AK9: variants seen among roughly 807,000 people sequenced by gnomAD.
The protein encoded by AK9 is adenylate kinase domain containing 1.
Under a neutral mutation model 239.6 loss-of-function variants are expected in AK9, and 191 were observed. The observed-to-expected ratio is 0.80, with a 90% CI of 0.71 to 0.90. The LOEUF is 0.90. Ranked by LOEUF, AK9 falls within the 40% of genes least tolerant of loss-of-function variation. The pLI, the probability that AK9 is intolerant of heterozygous loss-of-function variation, is 0.00. For missense variants in AK9, 1,995 were observed against 2,214.7 expected (o/e 0.90, Z 1.99); for synonymous variants, 689 against 721.0 (o/e 0.96, Z 0.71).
At chr6:109,597,948 T>C (rs1010420711) in intron 17 of AK9, among the ~76,000 whole-genome samples, 6 of 152,140 alleles carry the variant, frequency 3.9e-5, no homozygotes, top group African/African-American at 1.4e-4. Flanking sequence ...TCTGCTCACA[T>C]CCCTTGCTTG....
intron 5 of AK9, among the ~76,000 whole-genome samples, 173 bp from the exon 6 acceptor site, chr6:109,662,836 A>G (rs1338415126): frequency 6.6e-6 from 1 of 151,910 alleles, no homozygotes; most frequent in Non-Finnish European, 1.5e-5. Flanking sequence ...ATGAAGTGTA[A>G]CTATGAATAA....
chr6:109,530,414 T>C (rs998075699), intron 28 of AK9, among the ~76,000 whole-genome samples: 1 of 152,254 alleles, frequency 6.6e-6, no homozygotes, highest in Non-Finnish European at 1.5e-5. Context: ...CTATGGCTCT[T>C]AACTGGTGAG....
chr6:109,688,972 A>G lies in AK9; in HGVS notation c.-12+2175T>C, dbSNP rs943362238. The stretch of plus-strand genomic sequence containing the variant: ...CTCTTGATGCTTTCATGTCCAGTGA[A>G]TGGGTAATTGCAGCAACCAAAACCT... On this transcript the variant is annotated intron_variant, in intron 1 of 40. Coordinates refer to ENST00000424296, the MANE Select transcript of AK9 (RefSeq NM_001145128.3). 2.0e-5 allele frequency among the ~76,000 whole-genome samples: 3 copies of G among 152,204 alleles called. No homozygotes were observed. The South Asian group carries it at 6.2e-4, about 31-fold the overall frequency.
intron 10 of AK9, among the ~76,000 whole-genome samples, chr6:109,640,333 C>G (rs1003043993): frequency 2.0e-5 from 3 of 152,196 alleles, no homozygotes; most frequent in Admixed American, 2.0e-4. Context: ...CAGGTACAGT[C>G]TGTCACGGCT....
intron 19 of AK9, among the ~76,000 whole-genome samples, chr6:109,582,598 A>C (rs1788990046): frequency 6.6e-6 from 1 of 152,210 alleles, no homozygotes; most frequent in Non-Finnish European, 1.5e-5. Context: ...GGATGAGAAA[A>C]GAAATTGGTT....
intron 7 of AK9, among the ~76,000 whole-genome samples, chr6:109,658,312 T>C (rs1027835008): frequency 1.3e-5 from 2 of 152,200 alleles, no homozygotes; most frequent in African/African-American, 4.8e-5. Flanking sequence ...ATTCAGCCAT[T>C]ACACATCTTC....
intron 10 of AK9, among the ~76,000 whole-genome samples, chr6:109,635,612 A>G (rs1313923197): frequency 6.6e-6 from 1 of 152,160 alleles, no homozygotes; most frequent in Non-Finnish European, 1.5e-5. Context: ...AAAGTTGGCC[A>G]CTATAACCAC....
intron 10 of AK9, among the ~76,000 whole-genome samples, chr6:109,637,440 T>A (rs1013572051): frequency 4.6e-5 from 7 of 152,132 alleles, no homozygotes; most frequent in Admixed American, 1.3e-4. Flanking sequence ...TGGCCTCAAG[T>A]GATCTGCCTG....
Position 109,614,437 on chromosome 6 carries a change from C to T in AK9, c.1443G>A (p.Met481Ile). 1 of 1,551,290 alleles carries T rather than the reference C, an allele frequency of 6.4e-7. No homozygotes were observed. Among genetic ancestry groups the T allele is most frequent in the Non-Finnish European group, 8.7e-7 (1 of 1,146,734 alleles). ...LREFQRQYEKMEFGVFPMEAT... is the reference protein window; with the variant it reads ...LREFQRQYEKIEFGVFPMEAT... ...CCTCCATTGGGAATACTCCAAACTC[C>T]ATTTTTTCATATTGCCTTTGAAATT... is the stretch of plus-strand genomic sequence containing the variant. Residue 481 changes from methionine to isoleucine, a missense_variant, in exon 14 of 41, where the codon ATG (methionine) becomes ATA (isoleucine). By Grantham distance (10) the Met-to-Ile change is conservative. Coordinates refer to ENST00000424296, the MANE Select transcript of AK9 (RefSeq NM_001145128.3).
intron 32 of AK9, among the ~76,000 whole-genome samples, chr6:109,511,882 T>C (rs1214679815): frequency 6.6e-6 from 1 of 152,240 alleles, no homozygotes; most frequent in Non-Finnish European, 1.5e-5. Context: ...GTAATCTACA[T>C]GTTCACCTTG....
chr6:109,569,041 T>C (rs1480892953), intron 21 of AK9, among the ~76,000 whole-genome samples: 1 of 152,162 alleles, frequency 6.6e-6, no homozygotes, highest in African/African-American at 2.4e-5. Context: ...GCTACAAGGC[T>C]ACAGTAACCA....
intron 19 of AK9, among the ~76,000 whole-genome samples, chr6:109,583,987 A>G (rs915895041): frequency 6.6e-6 from 1 of 152,168 alleles, no homozygotes; most frequent in Non-Finnish European, 1.5e-5. Context: ...GATTGGAGCT[A>G]ATTAGTAGAT....
intron 3 of AK9, among the ~76,000 whole-genome samples, chr6:109,673,033 A>G (rs1562593828): frequency 6.6e-6 from 1 of 152,216 alleles, no homozygotes. Flanking sequence ...GAGGAAATGT[A>G]TCATTCCTTG....
At chr6:109,631,194 TC>T (rs1796056635) in intron 12 of AK9, among the ~76,000 whole-genome samples, 1 of 152,048 alleles carries the variant, frequency 6.6e-6, no homozygotes, top group Admixed American at 6.5e-5. Context: ...GATAAATCAT[TC>T]CTCATTGAAA....
intron 26 of AK9, among the ~76,000 whole-genome samples, chr6:109,544,782 A>T (rs539471809): frequency 1.1e-4 from 17 of 150,826 alleles, no homozygotes; most frequent in Non-Finnish European, 2.5e-4. Flanking sequence ...CTGGTAAGAC[A>T]TCATTAGAAA....
intron 38 of AK9, 152 bp downstream of exon 38, chr6:109,497,313 G>A (rs901182290): frequency 7.5e-5 from 48 of 643,180 alleles, no homozygotes; most frequent in Non-Finnish European, 1.2e-4. Context: ...GGATGGCAGG[G>A]ACCAGTGCTT....
chr6:109,647,021 T>C (rs992923157), intron 8 of AK9, among the ~76,000 whole-genome samples: 1 of 152,140 alleles, frequency 6.6e-6, no homozygotes, highest in Non-Finnish European at 1.5e-5. Context: ...ATAAAATCCT[T>C]TACAGACAAG....
At chr6:109,537,764 A>T (rs1024592049) in intron 27 of AK9, among the ~76,000 whole-genome samples, 2 of 151,988 alleles carry the variant, frequency 1.3e-5, no homozygotes, top group African/African-American at 4.8e-5. Flanking sequence ...TTCCCTCTAC[A>T]CACTGCTTTA....
At chr6:109,515,749 C>T (rs940150727) in intron 31 of AK9, 108 bp downstream of exon 31, 2 of 1,012,322 alleles carry the variant, frequency 2.0e-6, no homozygotes. Context: ...GACTACTACA[C>T]AATACTTACA....
Sources: gnomAD v4.1 joint callset for allele counts (sites outside exome capture counted in the v4.1 genomes callset) on GRCh38, gnomAD v4.1.1 for gene constraint, MANE v1.5 for transcripts, NCBI Gene and HGNC (gene_info 2026-07-23, HGNC 2026-07-21) for gene names.